WWP2: variants seen among roughly 807,000 people sequenced by gnomAD.
The protein encoded by WWP2 is NEDD4-like E3 ubiquitin-protein ligase WWP2.
A neutral mutation model predicts 121.0 loss-of-function variants in WWP2; 57 were observed. The ratio of observed to expected loss-of-function variants is 0.47; its 90% CI spans 0.38 to 0.59. WWP2 has a LOEUF of 0.59. Among genes scored for constraint, WWP2 ranks in the 20% least tolerant of loss-of-function variants. WWP2 has a pLI of 0.00. For missense variants in WWP2, 962 were observed against 1,158.9 expected, an observed-to-expected ratio of 0.83 and a Z score of 2.47; for synonymous variants, 449 against 441.3, an observed-to-expected ratio of 1.02 and a Z score of -0.22.
At chr16:69,770,942 G>A (rs1417429863) in intron 1 of WWP2, among the ~76,000 whole-genome samples, 1 of 150,968 alleles carries the variant, frequency 6.6e-6, no homozygotes. Flanking sequence ...AGATCAACCC[G>A]GGCAGCATAG....
chr16:69,931,036 CT>C, intron 13 of WWP2, 115 bp from the exon 14 acceptor site: 1 of 952,330 alleles, frequency 1.1e-6, no homozygotes. Flanking sequence ...ACTTCCTCAC[CT>C]TACATTACTA....
At chr16:69,919,022 T>G (rs900099549) in intron 10 of WWP2, among the ~76,000 whole-genome samples, 11 of 143,404 alleles carry the variant, frequency 7.7e-5, no homozygotes, top group Non-Finnish European at 3.0e-5. Context: ...TTTTGTATTT[T>G]TAGTAGAGAT....
intron 2 of WWP2, among the ~76,000 whole-genome samples, chr16:69,797,561 A>C (rs1192432820): frequency 6.6e-6 from 1 of 152,148 alleles, no homozygotes; most frequent in Admixed American, 6.5e-5. Context: ...GTACTCATAA[A>C]ATCTTAAATA....
chr16:69,814,664 C>A (rs2056456310), intron 4 of WWP2, among the ~76,000 whole-genome samples: 2 of 152,166 alleles, frequency 1.3e-5, no homozygotes, highest in African/African-American at 2.4e-5. Flanking sequence ...ATTTAAAAAT[C>A]TTTTAAGCAG....
In WWP2 at chr16:69,785,840, T is replaced by C. The variant is rs186794704; in HGVS notation, c.-15-1156T>C. 8.9e-4 allele frequency among the ~76,000 whole-genome samples: 135 copies of C among 152,168 alleles called. 1 individual carries two copies. Among genetic ancestry groups the C allele is most frequent in the Admixed American group, 6.6e-3 (100 of 15,264 alleles). The stretch of plus-strand genomic sequence containing the variant: ...TGGGGTTTCATCATTATGGCCAGGC[T>C]GGTCTTGAACTCCTGACCTCAGATG... On this transcript the variant is annotated intron_variant, in intron 1 of 23. Coordinates refer to ENST00000359154, the MANE Select transcript of WWP2 (RefSeq NM_001270454.2).
intron 1 of WWP2, among the ~76,000 whole-genome samples, chr16:69,776,016 G>A (rs1198909612): frequency 1.3e-5 from 2 of 152,166 alleles, no homozygotes; most frequent in South Asian, 2.1e-4. Flanking sequence ...TAAATAGAGT[G>A]TATGCCTTTC....
At position 69,941,592 on chromosome 16, in the gene WWP2, CGTGCGTGTGT is replaced by C; in HGVS notation, c.*1659_*1668del. 1 of 153,748 alleles carries C rather than the reference CGTGCGTGTGT, an allele frequency of 6.5e-6. No individual in the cohort carries two copies. Among genetic ancestry groups the C allele is most frequent in the Non-Finnish European group, 1.5e-5 (1 of 68,106 alleles). 9.5% of individuals were successfully genotyped at this position (153,748 alleles called of 1,614,324 possible). ...AGGCTCACGGGTGTTCATGTGTGTT[CGTGCGTGTGT>C]GTGCGTACGTGTATATAACTGAAGT... On this transcript the variant is annotated 3_prime_UTR_variant, in exon 24 of 24. Coordinates refer to ENST00000359154, the MANE Select transcript of WWP2 (RefSeq NM_001270454.2).
At chr16:69,904,988 GTA>G (rs2058265220) in intron 8 of WWP2, among the ~76,000 whole-genome samples, 1 of 152,232 alleles carries the variant, frequency 6.6e-6, no homozygotes, top group Non-Finnish European at 1.5e-5. Flanking sequence ...CAAATTAGGA[GTA>G]TATGTTTTTT....
chr16:69,907,869 G>A (rs1329476074), intron 8 of WWP2, among the ~76,000 whole-genome samples: 1 of 152,224 alleles, frequency 6.6e-6, no homozygotes, highest in Non-Finnish European at 1.5e-5. Context: ...AAGATACTCT[G>A]TAAATGAATC....
At chr16:69,818,983 C>T (rs1326471907) in intron 4 of WWP2, among the ~76,000 whole-genome samples, 1 of 152,172 alleles carries the variant, frequency 6.6e-6, no homozygotes, top group African/African-American at 2.4e-5. Flanking sequence ...AAATCTGAGT[C>T]ACCTGCTTCC....
At chr16:69,829,786 A>G (rs1284933821) in intron 4 of WWP2, among the ~76,000 whole-genome samples, 1 of 152,086 alleles carries the variant, frequency 6.6e-6, no homozygotes, top group Non-Finnish European at 1.5e-5. Flanking sequence ...ACGTTCCTAA[A>G]AGCAGGGACA....
intron 4 of WWP2, among the ~76,000 whole-genome samples, chr16:69,832,968 C>T (rs2056818471): frequency 6.6e-6 from 1 of 152,204 alleles, no homozygotes; most frequent in South Asian, 2.1e-4. Flanking sequence ...GATTCTCCTG[C>T]CTAGCCTCCC....
intron 8 of WWP2, among the ~76,000 whole-genome samples, chr16:69,903,645 G>A (rs1197477436): frequency 3.3e-5 from 5 of 151,982 alleles, no homozygotes; most frequent in Admixed American, 3.3e-4. Flanking sequence ...GCGCATACCT[G>A]TAGTCCCAGC....
chr16:69,855,718 C>T (rs537897919), intron 6 of WWP2, among the ~76,000 whole-genome samples: 10 of 152,178 alleles, frequency 6.6e-5, no homozygotes, highest in Middle Eastern at 3.4e-3. Flanking sequence ...TTGGAAAGGC[C>T]TTAAGTTAGG....
intron 2 of WWP2, among the ~76,000 whole-genome samples, chr16:69,792,206 G>A (rs949708050): frequency 6.6e-6 from 1 of 152,108 alleles, no homozygotes. Flanking sequence ...ATGCATCGAG[G>A]CCCTTAAACG....
At position 69,795,702 on chromosome 16, in the gene WWP2, C is replaced by G. The variant is rs1056436546; in HGVS notation, c.71-2980C>G. ...TGAGAGTCTCTCTCCATCACCCAGG[C>G]TGGAGTGTGGTCTCAGCTCACTGTA... On this transcript the variant is annotated intron_variant, in intron 2 of 23. Transcript: ENST00000359154. Among the ~76,000 whole-genome samples the G allele has an allele frequency of 9.7e-4, 116 of 119,042 alleles. 1 individual carries two copies. The highest frequency in any genetic ancestry group is 5.1e-3 in the Admixed American group (43 of 8,352). 78.1% of individuals were successfully genotyped at this position (119,042 alleles called of 152,430 possible). A position where few individuals can be genotyped will look rare whatever the true frequency, so the allele number is the denominator to read the frequency against.
At position 69,885,085 on chromosome 16, in the gene WWP2, C is replaced by T. The variant is rs184477909; in HGVS notation, c.704-2954C>T. Among the ~76,000 whole-genome samples, 1,185 of 148,662 alleles carry T rather than the reference C, an allele frequency of 8.0e-3. 17 individuals carry two copies. Among genetic ancestry groups the T allele is most frequent in the African/African-American group, 0.027 (1,076 of 40,240 alleles). ...ACTCCCCCTACACACACACACCACT[C>T]TTTTACAAACTCCTCCTACACACAC... is the stretch of plus-strand genomic sequence containing the variant. On this transcript the variant is annotated intron_variant, in intron 7 of 23. Coordinates refer to ENST00000359154, the MANE Select transcript of WWP2 (RefSeq NM_001270454.2).
chr16:69,903,495 G>A (rs566062939), intron 8 of WWP2, among the ~76,000 whole-genome samples: 3 of 152,240 alleles, frequency 2.0e-5, no homozygotes, highest in East Asian at 1.9e-4. Context: ...ATGGCCGGGC[G>A]CAGTGGCTCA....
At chr16:69,939,707 A>T in intron 23 of WWP2, 134 bp from the exon 24 acceptor site, 2 of 737,450 alleles carry the variant, frequency 2.7e-6, no homozygotes, top group Non-Finnish European at 4.0e-6. Context: ...CTGCAATGTG[A>T]AGGCCTGACT....
Sources: allele counts gnomAD v4.1 joint callset (sites outside exome capture counted in the v4.1 genomes callset), GRCh38; gene constraint gnomAD v4.1.1; transcripts MANE v1.5; gene names NCBI Gene and HGNC (gene_info 2026-07-23, HGNC 2026-07-21).